ENTPD1: variants seen among roughly 807,000 people sequenced by gnomAD.
ENTPD1 encodes ATP diphosphohydrolase.
A neutral mutation model predicts 57.0 loss-of-function variants in ENTPD1; 33 were observed. The observed-to-expected ratio is 0.58, with a 90% CI of 0.44 to 0.77. The LOEUF (loss-of-function observed/expected upper bound fraction) is 0.77, where lower values mean the gene tolerates loss of function less well. ENTPD1 is among the 30% of genes least tolerant of loss of function. ENTPD1 has a pLI of 0.00. For synonymous variants in ENTPD1, 202 were observed against 218.8 expected, an observed-to-expected ratio of 0.92 and a Z score of 0.68; for missense variants, 501 against 603.4, an observed-to-expected ratio of 0.83 and a Z score of 1.78.
Position 95,845,344 on chromosome 10 carries a change from T to G in ENTPD1, c.574-13T>G. 1.2e-6 allele frequency: 2 copies of G among 1,614,172 alleles called. No homozygotes were observed. Among genetic ancestry groups the G allele is most frequent in the Non-Finnish European group, 1.7e-6 (2 of 1,180,026 alleles). ...CAGAGACTTCTAGCACTGGTAACTG[T>G]ACTGTCTTTCAGAAAACAAGGTGGT... On this transcript the variant is annotated splice_polypyrimidine_tract_variant and intron_variant, in intron 5 of 9. Transcript: ENST00000371205.
At chr10:95,805,402 T>G (rs1036088606) in intron 1 of ENTPD1, among the ~76,000 whole-genome samples, 2 of 152,146 alleles carry the variant, frequency 1.3e-5, no homozygotes, top group African/African-American at 4.8e-5. Flanking sequence ...ATGAGATGGG[T>G]CTCCTGAATA....
At chr10:95,862,112 C>T (rs1323701005) in intron 8 of ENTPD1, among the ~76,000 whole-genome samples, 1 of 152,130 alleles carries the variant, frequency 6.6e-6, no homozygotes, top group African/African-American at 2.4e-5. Context: ...TGTAGTTCTG[C>T]TCAGGTAAGT....
At chr10:95,817,994 A>G (rs1050272477) in intron 1 of ENTPD1, among the ~76,000 whole-genome samples, 2 of 152,094 alleles carry the variant, frequency 1.3e-5, no homozygotes, top group African/African-American at 2.4e-5. Context: ...CAACTATAGA[A>G]CTCCCAAACT....
chr10:95,787,249 C>T (rs1207076551), intron 1 of ENTPD1, among the ~76,000 whole-genome samples: 4 of 152,020 alleles, frequency 2.6e-5, no homozygotes, highest in South Asian at 2.1e-4. Flanking sequence ...ATTTGATCAG[C>T]GTAGTATTCC....
intron 7 of ENTPD1, among the ~76,000 whole-genome samples, chr10:95,856,550 T>G (rs2140943168): frequency 6.6e-6 from 1 of 151,984 alleles, no homozygotes; most frequent in East Asian, 1.9e-4. Flanking sequence ...ACACACATGT[T>G]CACAGCAACA....
rs749548671 is a variant in ENTPD1 at position 95,847,531 on chromosome 10, C to T, written c.899C>T (p.Pro300Leu). ...AACGTAAGTGACCTTTACAAGACCC[C>T]CTGCACCAAGAGATTTGAGATGACT... ...VVNVSDLYKT[P>L]CTKRFEMTLP... Residue 300 changes from proline (P) to leucine (L), a missense_variant, in exon 7 of 10, where the codon CCC becomes CTC. Transcript: ENST00000371205. The T allele has an allele frequency of 2.9e-5, 46 of 1,614,020 alleles. No individual in the cohort carries two copies. The highest frequency in any genetic ancestry group is 3.8e-5 in the Non-Finnish European group (45 of 1,180,036).
intron 1 of ENTPD1, among the ~76,000 whole-genome samples, chr10:95,766,172 A>G (rs1044151334): frequency 1.3e-5 from 2 of 152,184 alleles, no homozygotes; most frequent in African/African-American, 4.8e-5. Context: ...AGTCACATAT[A>G]GTATTGTTCC....
At chr10:95,761,373 T>G (rs542536062) in intron 1 of ENTPD1, among the ~76,000 whole-genome samples, 1 of 152,144 alleles carries the variant, frequency 6.6e-6, no homozygotes, top group African/African-American at 2.4e-5. Context: ...AGCTCTGAAG[T>G]AGGTCTACAT....
chr10:95,729,862 A>T (rs1253490664), intron 1 of ENTPD1, among the ~76,000 whole-genome samples: 9 of 152,228 alleles, frequency 5.9e-5, no homozygotes, highest in Non-Finnish European at 1.5e-5. Context: ...TAACAGCGAG[A>T]TAGCCTTAGA....
At chr10:95,813,024 C>G (rs914407290) in intron 1 of ENTPD1, among the ~76,000 whole-genome samples, 1 of 152,176 alleles carries the variant, frequency 6.6e-6, no homozygotes, top group Non-Finnish European at 1.5e-5. Context: ...GTGAATCCAA[C>G]TATTTCATAA....
Position 95,756,223 on chromosome 10 carries a change from A to G in ENTPD1, c.-17A>G. The G allele has an allele frequency of 2.5e-6, 4 of 1,594,874 alleles. No individual in the cohort carries two copies. Among genetic ancestry groups the G allele is most frequent in the Non-Finnish European group, 3.4e-6 (4 of 1,169,906 alleles). On this transcript the variant is annotated 5_prime_UTR_variant, in exon 1 of 10. Transcript: ENST00000371205. Reference sequence around the variant, plus strand: ...GGGAAAGACGAGGAAAGAGGAGGAAAACAAAAGCTGCTACTTATGGAAGAT... The same window carrying G: ...GGGAAAGACGAGGAAAGAGGAGGAAGACAAAAGCTGCTACTTATGGAAGAT...
In ENTPD1 at chr10:95,876,336, C is replaced by A; in HGVS notation, c.*9953C>A. The A allele has an allele frequency of 1.0e-6, 1 of 985,308 alleles. No individual in the cohort carries two copies. The highest frequency in any genetic ancestry group is 1.2e-6 in the Non-Finnish European group (1 of 829,856). 61.0% of individuals were successfully genotyped at this position (985,308 alleles called of 1,614,324 possible). ...GTAACAATGAAAATGGGGGCAAATA[C>A]AGATAAATGGTAATTCTTAGAATGA... On this transcript the variant is annotated 3_prime_UTR_variant, in exon 10 of 10. Coordinates refer to ENST00000371205, the MANE Select transcript of ENTPD1 (RefSeq NM_001776.6).
intron 6 of ENTPD1, chr10:95,845,886 GA>G (rs1216227043): frequency 4.5e-6 from 2 of 442,962 alleles, no homozygotes; most frequent in Non-Finnish European, 8.2e-6. Context: ...TTATGTGGTA[GA>G]ATATTGTTTG....
At chr10:95,763,718 GT>G (rs5787158) in intron 1 of ENTPD1, among the ~76,000 whole-genome samples, 139,697 of 152,214 alleles carry the variant, frequency 0.92, 64,250 homozygotes, top group East Asian at 1. Context: ...AAACCACTGA[GT>G]TTTTTTATGG....
At chr10:95,706,935 G>A (rs1386605266), upstream of ENTPD1, among the ~76,000 whole-genome samples, 2 of 152,186 alleles carry the variant, frequency 1.3e-5, no homozygotes, top group Non-Finnish European at 2.9e-5. Context: ...ATCCGAGCAG[G>A]CGCCGGGAGA....
upstream of ENTPD1, chr10:95,753,798 C>G (rs2098016003): frequency 6.6e-6 from 1 of 152,008 alleles, no homozygotes; most frequent in East Asian, 1.9e-4. Context: ...GAGTTTGAGA[C>G]CAGCCTGGAC....
chr10:95,748,244 A>G (rs1224629919), intron 1 of ENTPD1, among the ~76,000 whole-genome samples: 1 of 152,206 alleles, frequency 6.6e-6, no homozygotes, highest in Non-Finnish European at 1.5e-5. Context: ...TTGCCAAATT[A>G]TAGCATTATT....
chr10:95,819,032 C>A (rs2098339485), intron 1 of ENTPD1, among the ~76,000 whole-genome samples: 1 of 152,142 alleles, frequency 6.6e-6, no homozygotes, highest in South Asian at 2.1e-4. Flanking sequence ...TGAAATCCAC[C>A]ACATCTGTCA....
chr10:95,809,397 C>A (rs1211340119), intron 1 of ENTPD1, among the ~76,000 whole-genome samples: 6 of 149,780 alleles, frequency 4.0e-5, no homozygotes, highest in Non-Finnish European at 7.4e-5. Context: ...CCCCACCCCC[C>A]AGACGGGGAG....
Sources: gnomAD v4.1 joint callset for allele counts (sites outside exome capture counted in the v4.1 genomes callset) on GRCh38, gnomAD v4.1.1 for gene constraint, MANE v1.5 for transcripts, NCBI Gene and HGNC (gene_info 2026-07-23, HGNC 2026-07-21) for gene names.